ADGRE5: variants seen among roughly 807,000 people sequenced by gnomAD.
The protein encoded by ADGRE5 is CD97 molecule.
Under a neutral mutation model 100.3 loss-of-function variants are expected in ADGRE5, and 72 were observed. The observed-to-expected ratio is 0.72, with a 90% CI of 0.59 to 0.87. The LOEUF (loss-of-function observed/expected upper bound fraction) is 0.87. ADGRE5 is among the 40% of genes least tolerant of loss of function. The pLI, the probability that ADGRE5 is intolerant of heterozygous loss-of-function variation, is 0.00. For synonymous variants in ADGRE5, 439 were observed against 447.8 expected (o/e 0.98, Z 0.25); for missense variants, 959 against 1,094.7 (o/e 0.88, Z 1.75).
chr19:14,404,603 A>G, intron 13 of ADGRE5, 41 bp downstream of exon 13: 1 of 1,585,796 alleles, frequency 6.3e-7, no homozygotes, highest in Non-Finnish European at 8.6e-7. Flanking sequence ...ACAGGTAATG[A>G]GGTCCAGCTG....
In ADGRE5 at chr19:14,397,191, C is replaced by A; in HGVS notation, c.593C>A (p.Ser198Tyr). The A allele has an allele frequency of 6.2e-7, 1 of 1,613,836 alleles. No homozygotes were observed. The highest frequency in any genetic ancestry group is 8.5e-7 in the Non-Finnish European group (1 of 1,179,926). Residue 198 changes from serine (S) to tyrosine (Y), a missense_variant, in exon 6 of 20, where the codon TCC becomes TAC. Ser to Tyr is a moderately radical substitution (Grantham distance 144). Coordinates refer to ENST00000242786, the MANE Select transcript of ADGRE5 (RefSeq NM_078481.4). ...CCGGGCTGGCAACCGATTCCGGGGT[C>A]CCCCAATGGCCCAAACAATACCGTC... ...CRPGWQPIPG[S>Y]PNGPNNTVCE...
rs61733714 is a variant in ADGRE5 at position 14,401,444 on chromosome 19, C to T, written c.956C>T (p.Ala319Val). The T allele has an allele frequency of 2.4e-3, 3,899 of 1,614,062 alleles. 72 individuals carry two copies. In the African/African-American group the frequency reaches 0.043, roughly 18 times the overall value. Reference protein sequence around the residue: ...MEAPGDVEALAPPVRHLIATQ... With the variant: ...MEAPGDVEALVPPVRHLIATQ... The stretch of plus-strand genomic sequence containing the variant: ...GCTCCTGGAGACGTAGAGGCCCTGG[C>T]GCCACCTGTCCGGCACCTCATAGCC... The change falls in exon 10 of 20, where the codon GCG (alanine) becomes GTG (valine). Residue 319 changes from alanine to valine, a missense_variant. By Grantham distance (64) the Ala-to-Val change is moderately conservative (BLOSUM62 0). Coordinates refer to ENST00000242786, the MANE Select transcript of ADGRE5 (RefSeq NM_078481.4). This position sits in a 1 kb window ranked among gnomAD's most constrained non-coding sequence, Gnocchi z 4.1.
chr19:14,406,247 C>A lies in ADGRE5; in HGVS notation c.1822-84C>A. 1 of 1,132,424 alleles carries A rather than the reference C, an allele frequency of 8.8e-7. No homozygotes were observed. Among genetic ancestry groups the A allele is most frequent in the Non-Finnish European group, 1.2e-6 (1 of 807,586 alleles). The allele number at this position is 1,132,424 out of a possible 1,614,324, so 70.1% of individuals were successfully genotyped here. A position where few individuals can be genotyped will look rare whatever the true frequency, so the allele number is the denominator to read the frequency against. The stretch of plus-strand genomic sequence containing the variant: ...CTCCGGCTGTGGTCCCGCCCACTCT[C>A]GGGACCTGGCAGGCGACTGGCTCTG... On this transcript the variant is annotated intron_variant, in intron 14 of 19. Transcript: ENST00000242786. This position sits in a 1 kb window ranked among gnomAD's most constrained non-coding sequence, Gnocchi z 6.0.
In ADGRE5 at chr19:14,406,412, C is replaced by A; in HGVS notation, c.1903C>A (p.Leu635Met). 3.1e-6 allele frequency: 5 copies of A among 1,592,454 alleles called. No homozygotes were observed. The highest frequency in any genetic ancestry group is 4.3e-6 in the Non-Finnish European group (5 of 1,169,948). Residue 635 changes from leucine (L) to methionine (M), a missense_variant, in exon 15 of 20, where the codon CTG becomes ATG. By Grantham distance (15) the Leu-to-Met change is conservative (BLOSUM62 2). Around this residue, in one of 6 missense-constraint regions of ADGRE5, gnomAD observed 428 missense variants for 386.2 expected, o/e 1.11. Transcript: ENST00000242786. This position sits in a 1 kb window ranked among gnomAD's most constrained non-coding sequence, Gnocchi z 6.0. Reference sequence around the variant, plus strand: ...CTTCTGCTGGATGAGCCTCGAAGGCCTGGAGCTCTACTTTCTTGTGGTGCG... The same window carrying A: ...CTTCTGCTGGATGAGCCTCGAAGGCATGGAGCTCTACTTTCTTGTGGTGCG... Reference protein sequence around the residue: ...AAFCWMSLEGLELYFLVVRVF... With the variant: ...AAFCWMSLEGMELYFLVVRVF...
Position 14,407,147 on chromosome 19 carries a change from T to G in ADGRE5, c.2294T>G (p.Leu765Trp), listed in dbSNP as rs200963785. The G allele has an allele frequency of 1.4e-5, 23 of 1,614,150 alleles. No homozygotes were observed. In the Admixed American group the frequency reaches 1.8e-4, roughly 13 times the overall value. ...FGLFIFDDRS[L>W]VLTYVFTILN... is the part of the protein sequence containing the mutation. ...CTGTTCATCTTCGACGATCGGAGCT[T>G]GGTGCTGACCTATGTGTTTACCATC... The change falls in exon 18 of 20, where the codon TTG (leucine) becomes TGG (tryptophan). Residue 765 changes from leucine (L) to tryptophan (W), a missense_variant. Transcript: ENST00000242786.
intron 13 of ADGRE5, chr19:14,404,890 G>A (rs1338658965): frequency 3.3e-6 from 1 of 303,936 alleles, no homozygotes; most frequent in Non-Finnish European, 6.1e-6. Flanking sequence ...TTGAGACGGA[G>A]TCTCTGTCGC....
chr19:14,401,088 C>G lies in ADGRE5; in HGVS notation c.898-298C>G, dbSNP rs960533989. Among the ~76,000 whole-genome samples the G allele has an allele frequency of 6.6e-6, 1 of 152,094 alleles. No individual in the cohort carries two copies. Among genetic ancestry groups the G allele is most frequent in the African/African-American group, 2.4e-5 (1 of 41,402 alleles). On this transcript the variant is annotated intron_variant, in intron 9 of 19. Coordinates refer to ENST00000242786, the MANE Select transcript of ADGRE5 (RefSeq NM_078481.4). The surrounding 1 kb of genome is among the most constrained non-coding windows in gnomAD (Gnocchi z 4.1). ...GCAGTGAGCTGATTATGCCACTGCA[C>G]TCAAGCCTGGGCAACAGACTGAGAC...
In ADGRE5 at chr19:14,402,832, T is replaced by G. The variant is rs199774805; in HGVS notation, c.1419T>G (p.Asp473Glu). Residue 473 changes from aspartate to glutamate, a missense_variant, in exon 12 of 20, where the codon GAT (aspartate) becomes GAG (glutamate). This residue lies in a region of ADGRE5 where 246 missense variants were observed against 242.2 expected (regional missense o/e 1.02). Transcript: ENST00000242786. ...CCTTCTCCCACCTTGAGTCCTCCGA[T>G]GGGGAGGCGGGAAGAGACCCTCCTG... ...LFAFSHLESS[D>E]GEAGRDPPAK... 7 of 1,613,846 alleles carry G rather than the reference T, an allele frequency of 4.3e-6. No individual in the cohort carries two copies. The highest frequency in any genetic ancestry group is 5.9e-6 in the Non-Finnish European group (7 of 1,180,000).
intron 1 of ADGRE5, 64 bp downstream of exon 1, chr19:14,381,609 CTGAGAA>C (rs1388500777): frequency 5.1e-6 from 8 of 1,555,710 alleles, no homozygotes; most frequent in African/African-American, 1.4e-5. Context: ...TTGGCTGCGT[CTGAGAA>C]ACGGGAGGCG....
chr19:14,391,431 G>C (rs975037242), intron 4 of ADGRE5: 17 of 281,886 alleles, frequency 6.0e-5, no homozygotes, highest in South Asian at 4.5e-4. Context: ...TTGAGGCCAG[G>C]AGTTCAAGAC....
chr19:14,398,296 A>T, intron 9 of ADGRE5, 157 bp downstream of exon 9: 1 of 660,182 alleles, frequency 1.5e-6, no homozygotes, highest in Admixed American at 2.5e-5. Flanking sequence ...GTGCACAAAC[A>T]TACACACCCG....
intron 1 of ADGRE5, among the ~76,000 whole-genome samples, chr19:14,381,903 A>G (rs1309267330): frequency 1.3e-5 from 2 of 151,522 alleles, no homozygotes; most frequent in African/African-American, 4.9e-5. Context: ...TGCTTAATAT[A>G]ACGCATAGAA....
At chr19:14,404,659 C>A in intron 13 of ADGRE5, 97 bp downstream of exon 13, 1 of 1,214,194 alleles carries the variant, frequency 8.2e-7, no homozygotes, top group Non-Finnish European at 1.2e-6. Context: ...ACTGGTTGCT[C>A]AGATATATCT....
intron 1 of ADGRE5, among the ~76,000 whole-genome samples, chr19:14,384,801 G>GTC (rs1179818949): frequency 6.6e-6 from 1 of 150,688 alleles, no homozygotes; most frequent in Non-Finnish European, 1.5e-5. Context: ...TGTAATTTCT[G>GTC]TCTCTCTGTC....
chr19:14,382,778 C>T (rs550126782), intron 1 of ADGRE5, among the ~76,000 whole-genome samples: 4 of 151,506 alleles, frequency 2.6e-5, no homozygotes, highest in South Asian at 2.1e-4. Context: ...GGTGCAATCT[C>T]GGCTCACTGC....
At chr19:14,399,800 G>A (rs543428816) in intron 9 of ADGRE5, among the ~76,000 whole-genome samples, 7 of 151,994 alleles carry the variant, frequency 4.6e-5, no homozygotes, top group Admixed American at 3.9e-4. Context: ...AATGATGTGA[G>A]CCACTTAACA....
At position 14,406,475 on chromosome 19, in the gene ADGRE5, T is replaced by C. The variant is rs749972759; in HGVS notation, c.1966T>C (p.Cys656Arg). ...QGQGLSTRWL[C>R]LIGYGVPLLI... ...CCAGGGCCTGAGTACGCGCTGGCTC[T>C]GCCTGATCGGCTATGGCGTGCCCCT... Residue 656 changes from cysteine to arginine, a missense_variant, in exon 15 of 20, where the codon TGC becomes CGC. This residue lies in a region of ADGRE5 where 428 missense variants were observed against 386.2 expected (regional missense o/e 1.11). Transcript: ENST00000242786. This position sits in a 1 kb window ranked among gnomAD's most constrained non-coding sequence, Gnocchi z 6.0. 1.9e-6 allele frequency: 3 copies of C among 1,567,020 alleles called. No individual in the cohort carries two copies. The highest frequency in any genetic ancestry group is 2.6e-6 in the Non-Finnish European group (3 of 1,155,992).
chr19:14,406,472 C>G lies in ADGRE5; in HGVS notation c.1963C>G (p.Leu655Val). ...AGGCCAGGGCCTGAGTACGCGCTGG[C>G]TCTGCCTGATCGGCTATGGCGTGCC... ...FQGQGLSTRW[L>V]CLIGYGVPLL... Residue 655 changes from leucine (L) to valine (V), a missense_variant, in exon 15 of 20, where the codon CTC becomes GTC. Transcript: ENST00000242786. This position sits in a 1 kb window ranked among gnomAD's most constrained non-coding sequence, Gnocchi z 6.0. 6.4e-7 allele frequency: 1 copy of G among 1,567,730 alleles called. No individual in the cohort carries two copies. The highest frequency in any genetic ancestry group is 8.6e-7 in the Non-Finnish European group (1 of 1,156,426).
Position 14,398,156 on chromosome 19 carries a change from G to A in ADGRE5, c.897+17G>A, listed in dbSNP as rs935451153. On this transcript the variant is annotated intron_variant, in intron 9 of 19. Coordinates refer to ENST00000242786, the MANE Select transcript of ADGRE5 (RefSeq NM_078481.4). ...ACCATCCAGGTAAGGGCAGGATGCT[G>A]GGGGACCCCAGGACAGTGTAGAATC... is the stretch of plus-strand genomic sequence containing the variant. 4 of 1,612,636 alleles carry A rather than the reference G, an allele frequency of 2.5e-6. No homozygotes were observed. The African/African-American group carries it at 5.3e-5, about 22-fold the overall frequency.
Sources: gnomAD v4.1 joint callset for allele counts (sites outside exome capture counted in the v4.1 genomes callset) on GRCh38, gnomAD v4.1.1 for gene constraint, gnomAD v4.1.1 regional missense constraint, Gnocchi (gnomAD v3.1) non-coding constraint, MANE v1.5 for transcripts, NCBI Gene and HGNC (gene_info 2026-07-23, HGNC 2026-07-21) for gene names.